SF3B6: variants seen among roughly 807,000 people sequenced by gnomAD.
SF3B6 encodes the protein SF3b 14 kDa subunit.
In SF3B6, 3 loss-of-function variants were observed where a neutral mutation model predicts 15.9. The observed-to-expected ratio is 0.19, with a 90% CI of 0.09 to 0.49. The LOEUF is 0.49. Among genes scored for constraint, SF3B6 ranks in the 20% least tolerant of loss-of-function variants. SF3B6 has a pLI of 0.97. For synonymous variants in SF3B6, 49 were observed against 51.1 expected (o/e 0.96, Z 0.18); for missense variants, 71 against 154.3 (o/e 0.46, Z 2.86).
intron 1 of SF3B6, among the ~76,000 whole-genome samples, chr2:24,075,364 T>G (rs902143912): frequency 1.3e-5 from 2 of 149,636 alleles, no homozygotes; most frequent in Admixed American, 1.3e-4. Flanking sequence ...TTTCTGTTTT[T>G]TTTTTTTTTT....
rs532401212 is a variant in SF3B6 at position 24,073,176 on chromosome 2, A to T, written c.149+900T>A. ...AGACCTCATAGTCCTAAAGCCAGGA[A>T]GGAGCTCTCAAGTCATACAAGACGG... On this transcript the variant is annotated intron_variant, in intron 2 of 3. Coordinates refer to ENST00000233468, the MANE Select transcript of SF3B6 (RefSeq NM_016047.4). Among the ~76,000 whole-genome samples, 133 of 152,356 alleles carry T rather than the reference A, an allele frequency of 8.7e-4. 1 individual carries two copies. The highest frequency in any genetic ancestry group is 3.2e-3 in the African/African-American group (132 of 41,588).
chr2:24,072,603 T>C (rs1322822358), intron 2 of SF3B6, among the ~76,000 whole-genome samples: 1 of 152,252 alleles, frequency 6.6e-6, no homozygotes, highest in African/African-American at 2.4e-5. Context: ...AGGAAGACTG[T>C]ATTTCATAGA....
At chr2:24,073,897 CAGT>C in intron 2 of SF3B6, 176 bp downstream of exon 2, 1 of 533,924 alleles carries the variant, frequency 1.9e-6, no homozygotes, top group South Asian at 2.4e-5. Context: ...ATTAGGGTCT[CAGT>C]AGGTTTTCTC....
intron 1 of SF3B6, 21 bp downstream of exon 1, chr2:24,076,179 C>T: frequency 6.2e-7 from 1 of 1,614,180 alleles, no homozygotes; most frequent in Non-Finnish European, 8.5e-7. Context: ...TCCCACCCTC[C>T]GCAGAACACC....
At chr2:24,071,610 A>T (rs567628542) in intron 2 of SF3B6, among the ~76,000 whole-genome samples, 2 of 152,308 alleles carry the variant, frequency 1.3e-5, no homozygotes, top group African/African-American at 4.8e-5. Flanking sequence ...CATCTTAAAA[A>T]AAGAAATGTT....
At chr2:24,072,324 C>G (rs10177683) in intron 2 of SF3B6, among the ~76,000 whole-genome samples, 18,230 of 152,054 alleles carry the variant, frequency 0.12, 1,280 homozygotes, top group South Asian at 0.18. Context: ...TAGTATACAT[C>G]GGGTGCTTAC....
At chr2:24,074,748 T>C (rs1260606939) in intron 1 of SF3B6, among the ~76,000 whole-genome samples, 1 of 152,220 alleles carries the variant, frequency 6.6e-6, no homozygotes, top group Admixed American at 6.5e-5. Context: ...AAACTCAACC[T>C]ATCTTTCTTC....
At chr2:24,069,656 T>C (rs2150977516) in intron 2 of SF3B6, among the ~76,000 whole-genome samples, 1 of 152,314 alleles carries the variant, frequency 6.6e-6, no homozygotes, top group Middle Eastern at 3.4e-3. Flanking sequence ...GGTACCTGCC[T>C]AGACTTGATC....
intron 1 of SF3B6, among the ~76,000 whole-genome samples, chr2:24,075,870 T>C (rs1008833423): frequency 2.6e-5 from 4 of 152,042 alleles, no homozygotes; most frequent in African/African-American, 9.7e-5. Context: ...TTAAGTTAGT[T>C]GAGGACTCTT....
At chr2:24,071,318 G>GTT (rs1189408161) in intron 2 of SF3B6, among the ~76,000 whole-genome samples, 1 of 152,204 alleles carries the variant, frequency 6.6e-6, no homozygotes, top group African/African-American at 2.4e-5. Context: ...CTTAAGAAAT[G>GTT]TTTCGGCTTG....
At chr2:24,070,794 A>C (rs1664640948) in intron 2 of SF3B6, among the ~76,000 whole-genome samples, 1 of 152,160 alleles carries the variant, frequency 6.6e-6, no homozygotes. Flanking sequence ...TGGAACAGAA[A>C]AACAGCTGTT....
At chr2:24,075,333 TTTTCTTTC>T (rs36188791) in intron 1 of SF3B6, among the ~76,000 whole-genome samples, 19,225 of 132,306 alleles carry the variant, frequency 0.15, 1,585 homozygotes, top group South Asian at 0.22. Context: ...ATTGCTTGTC[TTTTCTTTC>T]TTTCTTTCTT....
chr2:24,076,320 C>T lies in SF3B6; in HGVS notation c.-91G>A. On this transcript the variant is annotated 5_prime_UTR_variant, in exon 1 of 4. An upstream start codon of the reference 5' UTR is lost. Coordinates refer to ENST00000233468, the MANE Select transcript of SF3B6 (RefSeq NM_016047.4). ...GGGTTACACCGCGTTAGATGCAGGA[C>T]ATCAACATCCAGGACCCGCCGGAAG... The T allele has an allele frequency of 4.0e-6, 6 of 1,494,540 alleles. No homozygotes were observed. The highest frequency in any genetic ancestry group is 5.6e-6 in the Non-Finnish European group (6 of 1,071,274). 92.6% of individuals were successfully genotyped at this position (1,494,540 alleles called of 1,614,324 possible).
At chr2:24,070,601 G>T (rs1664638338) in intron 2 of SF3B6, among the ~76,000 whole-genome samples, 1 of 152,150 alleles carries the variant, frequency 6.6e-6, no homozygotes, top group African/African-American at 2.4e-5. Flanking sequence ...AAAGTACAAA[G>T]TACCAAGTGC....
chr2:24,071,702 A>G (rs538952198), intron 2 of SF3B6, among the ~76,000 whole-genome samples: 5 of 152,332 alleles, frequency 3.3e-5, no homozygotes, highest in South Asian at 2.1e-4. Flanking sequence ...ACCCCTCTGA[A>G]AAGGTGACAC....
chr2:24,072,845 G>A (rs13421574), intron 2 of SF3B6, among the ~76,000 whole-genome samples: 85 of 152,254 alleles, frequency 5.6e-4, no homozygotes, highest in African/African-American at 2.0e-3. Context: ...GATCCCCAAG[G>A]CAGGGATTCG....
At chr2:24,073,839 G>A (rs1390906493) in intron 2 of SF3B6, 4 of 366,122 alleles carry the variant, frequency 1.1e-5, no homozygotes, top group African/African-American at 2.1e-5. Context: ...TTCAATGAAT[G>A]CTTTGAGGAA....
chr2:24,071,191 C>T (rs1487625446), intron 2 of SF3B6, among the ~76,000 whole-genome samples: 1 of 152,100 alleles, frequency 6.6e-6, no homozygotes, highest in Non-Finnish European at 1.5e-5. Context: ...CGAGGTTTCA[C>T]CATGTTGGTC....
At chr2:24,072,111 T>G (rs1007762980) in intron 2 of SF3B6, among the ~76,000 whole-genome samples, 2 of 152,112 alleles carry the variant, frequency 1.3e-5, no homozygotes, top group African/African-American at 4.8e-5. Flanking sequence ...TTGAGCCTCC[T>G]GAGTAATTGC....
Sources: allele counts gnomAD v4.1 joint callset (sites outside exome capture counted in the v4.1 genomes callset), GRCh38; gene constraint gnomAD v4.1.1; transcripts MANE v1.5; gene names NCBI Gene and HGNC (gene_info 2026-07-23, HGNC 2026-07-21).